Variants in FAM163A observed in about 807,000 individuals in gnomAD.
The protein encoded by FAM163A is protein FAM163A.
FAM163A carries 7 observed loss-of-function variants against 12.0 expected under a neutral mutation model. The observed-to-expected ratio is 0.58, with a 90% CI of 0.33 to 1.10. FAM163A has a LOEUF of 1.10. Ranked by LOEUF, FAM163A falls within the 50% of genes least tolerant of loss-of-function variation. The pLI is 0.03. For synonymous variants in FAM163A, 101 were observed against 91.0 expected (o/e 1.11, Z -0.62); for missense variants, 202 against 218.6 (o/e 0.92, Z 0.48).
chr1:179,731,086 C>T, the FAM163A span, among the ~76,000 whole-genome samples: 2 of 152,132 alleles, frequency 1.3e-5, no homozygotes, highest in East Asian at 1.9e-4. Context: ...TATATCAGCA[C>T]CTACAATTAG....
chr1:179,736,382 T>C, the FAM163A span, among the ~76,000 whole-genome samples: 1 of 151,702 alleles, frequency 6.6e-6, no homozygotes, highest in Non-Finnish European at 1.5e-5. Context: ...GAATAAACAT[T>C]TCTCCAAAGA....
chr1:179,757,242 G>A (rs1322103459), intron 1 of FAM163A, among the ~76,000 whole-genome samples: 1 of 152,180 alleles, frequency 6.6e-6, no homozygotes, highest in Admixed American at 6.5e-5. Context: ...TGGACCGAAA[G>A]GTAGAGTGGA....
chr1:179,776,490 C>CA (rs57207957), intron 1 of FAM163A, among the ~76,000 whole-genome samples: 3,162 of 123,828 alleles, frequency 0.026, 57 homozygotes, highest in East Asian at 0.11. Flanking sequence ...GACTCCATTT[C>CA]AAAAAAAAAA....
chr1:179,737,144 T>C, the FAM163A span, among the ~76,000 whole-genome samples: 1 of 152,122 alleles, frequency 6.6e-6, no homozygotes, highest in Non-Finnish European at 1.5e-5. Context: ...AAATGTATTG[T>C]ATATAAATAC....
At chr1:179,793,526 G>A (rs943793710) in intron 1 of FAM163A, among the ~76,000 whole-genome samples, 2 of 152,280 alleles carry the variant, frequency 1.3e-5, no homozygotes, top group East Asian at 1.9e-4. Context: ...TCCATGGACC[G>A]CTGGTTTAGT....
chr1:179,811,158 A>G (rs951250823), intron 2 of FAM163A, among the ~76,000 whole-genome samples: 1 of 152,150 alleles, frequency 6.6e-6, no homozygotes, highest in Non-Finnish European at 1.5e-5. Flanking sequence ...GGGGATGGCA[A>G]TGTCTTTGAA....
chr1:179,805,363 C>A (rs1445731021), intron 1 of FAM163A, among the ~76,000 whole-genome samples: 1 of 152,068 alleles, frequency 6.6e-6, no homozygotes, highest in African/African-American at 2.4e-5. Flanking sequence ...ACTAAAAATA[C>A]AAAAATTAGC....
rs938041687 is a variant in FAM163A at position 179,813,133 on chromosome 1, C to A, written c.36C>A (p.Ile12=). The change falls in exon 4 of 5, where the codon ATC becomes ATA. Residue 12 remains isoleucine, a synonymous_variant. Coordinates refer to ENST00000341785, the MANE Select transcript of FAM163A (RefSeq NM_173509.3). ...GAACGGTTGTGATCACTGGCGGAAT[C>A]CTAGCTACGGTGATCCTCCTCTGCA... ...TAGTVVITGG[I]LATVILLCII... 6.4e-7 allele frequency: 1 copy of A among 1,551,956 alleles called. No individual in the cohort carries two copies. The highest frequency in any genetic ancestry group is 8.7e-7 in the Non-Finnish European group (1 of 1,147,090).
chr1:179,756,708 G>A (rs1190796669), intron 1 of FAM163A, among the ~76,000 whole-genome samples: 1 of 152,192 alleles, frequency 6.6e-6, no homozygotes, highest in Non-Finnish European at 1.5e-5. Flanking sequence ...GGCATGGTGA[G>A]GCAGGGACAG....
At chr1:179,812,407 G>T (rs1694813794) in intron 3 of FAM163A, among the ~76,000 whole-genome samples, 1 of 152,138 alleles carries the variant, frequency 6.6e-6, no homozygotes, top group Non-Finnish European at 1.5e-5. Context: ...CCTTGCCTTT[G>T]TTTTCCAGGA....
Position 179,813,805 on chromosome 1 carries a change from C to G in FAM163A, c.120C>G (p.Thr40=). 1 of 1,613,964 alleles carries G rather than the reference C, an allele frequency of 6.2e-7. No individual in the cohort carries two copies. Residue 40 remains threonine, a synonymous_variant, in exon 5 of 5, where the codon ACC becomes ACG. Coordinates refer to ENST00000341785, the MANE Select transcript of FAM163A (RefSeq NM_173509.3). ...ATTACTGCTGCAAGAAGAGCGGAACCGAGGTTGCAGACGAGGAGGAGGAGC... is the reference window on the plus strand; with the variant it reads ...ATTACTGCTGCAAGAAGAGCGGAACGGAGGTTGCAGACGAGGAGGAGGAGC... The part of the protein sequence containing the change: ...LQYYCCKKSG[T]EVADEEEERE...
At chr1:179,782,333 A>G (rs1202169594) in intron 1 of FAM163A, among the ~76,000 whole-genome samples, 1 of 152,044 alleles carries the variant, frequency 6.6e-6, no homozygotes, top group Non-Finnish European at 1.5e-5. Context: ...TGAGACGGAC[A>G]CTAATGTAAG....
chr1:179,745,886 GAC>G lies in FAM163A; in HGVS notation c.-136+2469_-136+2470del. ...GGCCACTTTCTTCCAATTAAGAACAGACACACATGTGGTAGCTGGAAATCCAG... is the reference window on the plus strand; with the variant it reads ...GGCCACTTTCTTCCAATTAAGAACAGACACATGTGGTAGCTGGAAATCCAG... On this transcript the variant is annotated intron_variant, in intron 1 of 4. Coordinates refer to ENST00000341785, the MANE Select transcript of FAM163A (RefSeq NM_173509.3). Among the ~76,000 whole-genome samples the G allele has an allele frequency of 2.0e-5, 3 of 152,262 alleles. No individual in the cohort carries two copies. In the South Asian group the frequency reaches 6.2e-4, roughly 32 times the overall value.
At chr1:179,731,654 A>C in the FAM163A span, among the ~76,000 whole-genome samples, 1 of 152,228 alleles carries the variant, frequency 6.6e-6, no homozygotes, top group Non-Finnish European at 1.5e-5. Context: ...CCGTCCCAGC[A>C]AGACTAAGCA....
At chr1:179,780,395 C>T (rs918792070) in intron 1 of FAM163A, among the ~76,000 whole-genome samples, 1 of 152,148 alleles carries the variant, frequency 6.6e-6, no homozygotes, top group Non-Finnish European at 1.5e-5. Flanking sequence ...TGTTATTTGC[C>T]AGTGACCATC....
intron 1 of FAM163A, among the ~76,000 whole-genome samples, chr1:179,745,859 G>A (rs771693244): frequency 1.4e-4 from 22 of 152,226 alleles, no homozygotes; most frequent in Admixed American, 2.0e-4. Flanking sequence ...CTCCTTCCTC[G>A]GGGCCACTTT....
At chr1:179,800,504 A>G (rs984034362) in intron 1 of FAM163A, among the ~76,000 whole-genome samples, 1 of 152,222 alleles carries the variant, frequency 6.6e-6, no homozygotes, top group African/African-American at 2.4e-5. Context: ...GTGCACTCCA[A>G]GCCATGTTAG....
At chr1:179,731,445 G>T in the FAM163A span, among the ~76,000 whole-genome samples, 1 of 152,208 alleles carries the variant, frequency 6.6e-6, no homozygotes, top group Non-Finnish European at 1.5e-5. Context: ...TTCTTCTCTA[G>T]ATAGCGATCA....
At chr1:179,810,901 G>A (rs574186818) in intron 2 of FAM163A, among the ~76,000 whole-genome samples, 6 of 152,158 alleles carry the variant, frequency 3.9e-5, no homozygotes, top group African/African-American at 7.2e-5. Flanking sequence ...AAATTAGCCC[G>A]GTGTGGGGTT....
Sources: allele counts gnomAD v4.1 joint callset (sites outside exome capture counted in the v4.1 genomes callset), GRCh38; gene constraint gnomAD v4.1.1; transcripts MANE v1.5; gene names NCBI Gene and HGNC (gene_info 2026-07-23, HGNC 2026-07-21).